Variants in ANTXR1 observed in about 807,000 individuals in gnomAD.
ANTXR1 encodes ANTXR cell adhesion molecule 1.
A neutral mutation model predicts 78.1 loss-of-function variants in ANTXR1; 19 were observed. The observed-to-expected ratio is 0.24, with a 90% confidence interval of 0.17 to 0.36. The LOEUF (loss-of-function observed/expected upper bound fraction) is 0.36. ANTXR1 is among the 10% of genes least tolerant of loss of function. The pLI is 1.00. For missense variants in ANTXR1, 518 were observed against 718.6 expected (o/e 0.72, Z 3.19); for synonymous variants, 273 against 260.5 (o/e 1.05, Z -0.46).
chr2:69,113,067 A>G (rs1056391633), intron 10 of ANTXR1, among the ~76,000 whole-genome samples: 1 of 152,162 alleles, frequency 6.6e-6, no homozygotes, highest in Non-Finnish European at 1.5e-5. Context: ...CTGCTCTACC[A>G]AGTTTGAAAT....
chr2:69,134,733 T>C (rs1277790378), intron 12 of ANTXR1, among the ~76,000 whole-genome samples: 5 of 152,200 alleles, frequency 3.3e-5, no homozygotes, highest in Admixed American at 6.5e-5. Context: ...ACAACTTCTC[T>C]TAGTGCAGTT....
chr2:69,067,515 A>AC (rs1253695461), intron 3 of ANTXR1, among the ~76,000 whole-genome samples: 1 of 138,004 alleles, frequency 7.2e-6, no homozygotes, highest in Non-Finnish European at 1.5e-5. Flanking sequence ...TTTTAGTGTT[A>AC]CCCAAATGTC....
chr2:69,217,541 C>G (rs946491699), intron 17 of ANTXR1, among the ~76,000 whole-genome samples: 6 of 152,308 alleles, frequency 3.9e-5, no homozygotes, highest in African/African-American at 1.4e-4. Flanking sequence ...CCACTCTGAA[C>G]TTGTAAAATG....
chr2:69,044,074 G>A (rs1669686383), intron 2 of ANTXR1, among the ~76,000 whole-genome samples: 1 of 152,130 alleles, frequency 6.6e-6, no homozygotes, highest in African/African-American at 2.4e-5. Context: ...GAGTGCTTCT[G>A]TCTCCAGAGT....
chr2:69,184,796 G>A (rs757071632), intron 16 of ANTXR1, among the ~76,000 whole-genome samples: 1 of 152,222 alleles, frequency 6.6e-6, no homozygotes, highest in Non-Finnish European at 1.5e-5. Context: ...GCCAGGCACT[G>A]TAGGATGTTG....
intron 12 of ANTXR1, among the ~76,000 whole-genome samples, chr2:69,144,516 G>A (rs968878376): frequency 2.6e-5 from 4 of 152,182 alleles, no homozygotes; most frequent in East Asian, 1.9e-4. Context: ...TGGATGGCGG[G>A]CCTCTGGGGA....
intron 12 of ANTXR1, among the ~76,000 whole-genome samples, chr2:69,140,503 G>A (rs547620937): frequency 1.5e-4 from 23 of 152,158 alleles, no homozygotes; most frequent in Admixed American, 1.5e-3. Flanking sequence ...ATCATCATTT[G>A]ATTTCTAAAA....
At chr2:69,211,207 A>G (rs1675035388) in intron 17 of ANTXR1, among the ~76,000 whole-genome samples, 1 of 152,206 alleles carries the variant, frequency 6.6e-6, no homozygotes, top group South Asian at 2.1e-4. Flanking sequence ...GCATATGTAT[A>G]TGCAACTTCT....
rs1374525866 is a variant in ANTXR1, at chr2:69,209,427, C to T, written c.1434+16012C>T. ...GTGCCTGTGCCCCACAGCTGATAAA[C>T]AGAGGAACTAGCATTTATTCTTTCA... On this transcript the variant is annotated intron_variant, in intron 17 of 17. Coordinates refer to ENST00000303714, the MANE Select transcript of ANTXR1 (RefSeq NM_032208.3). 2.6e-5 allele frequency among the ~76,000 whole-genome samples: 4 copies of T among 152,192 alleles called. No homozygotes were observed. In the South Asian group the frequency reaches 8.3e-4, roughly 31 times the overall value.
chr2:69,084,033 C>G (rs1245067755), intron 8 of ANTXR1, among the ~76,000 whole-genome samples: 2 of 152,200 alleles, frequency 1.3e-5, no homozygotes, highest in Non-Finnish European at 2.9e-5. Context: ...GAACAGGCTA[C>G]AAAGATTGCA....
At chr2:69,055,115 T>G (rs1337643804) in intron 3 of ANTXR1, among the ~76,000 whole-genome samples, 2 of 152,120 alleles carry the variant, frequency 1.3e-5, no homozygotes. Flanking sequence ...CTATTGTGGT[T>G]GTTGTTAGGG....
chr2:69,142,131 A>G (rs1673087093), intron 12 of ANTXR1, among the ~76,000 whole-genome samples: 1 of 152,234 alleles, frequency 6.6e-6, no homozygotes, highest in Non-Finnish European at 1.5e-5. Context: ...GATTTGGATC[A>G]TCTTTTCCTG....
chr2:69,149,943 C>T (rs564888422), intron 12 of ANTXR1, among the ~76,000 whole-genome samples: 6 of 152,342 alleles, frequency 3.9e-5, no homozygotes, highest in African/African-American at 1.4e-4. Context: ...TCCCGTCGGC[C>T]ATGGCATGTC....
At chr2:69,111,617 C>T (rs72899304) in intron 10 of ANTXR1, among the ~76,000 whole-genome samples, 1 of 152,190 alleles carries the variant, frequency 6.6e-6, no homozygotes, top group Non-Finnish European at 1.5e-5. Context: ...ATTCACCAGG[C>T]ATGGCTCTGG....
At position 69,219,384 on chromosome 2, in the gene ANTXR1, GAC is replaced by G. The variant is rs377200577; in HGVS notation, c.1435-25804_1435-25803del. ...ACATCACAGTGTCCACCAGAAGGAG[GAC>G]ACACACACACACACACACACACACA... On this transcript the variant is annotated intron_variant, in intron 17 of 17. Coordinates refer to ENST00000303714, the MANE Select transcript of ANTXR1 (RefSeq NM_032208.3). Among the ~76,000 whole-genome samples, 1,277 of 132,088 alleles carry G rather than the reference GAC, an allele frequency of 9.7e-3. 7 individuals are homozygous for G. The highest frequency in any genetic ancestry group is 0.015 in the Middle Eastern group (4 of 266). The allele number at this position is 132,088 out of a possible 152,430, so 86.7% of individuals were successfully genotyped here.
intron 3 of ANTXR1, among the ~76,000 whole-genome samples, chr2:69,060,424 T>C (rs190474956): frequency 6.6e-6 from 1 of 152,276 alleles, no homozygotes; most frequent in African/African-American, 2.4e-5. Flanking sequence ...AAGAATGAGG[T>C]GACCTTGTAA....
At chr2:69,047,935 C>A (rs1669820344) in intron 3 of ANTXR1, among the ~76,000 whole-genome samples, 1 of 152,146 alleles carries the variant, frequency 6.6e-6, no homozygotes, top group South Asian at 2.1e-4. Context: ...AACTCCTGTA[C>A]TTTGTACTGT....
chr2:69,139,235 A>G (rs969114899), intron 12 of ANTXR1, among the ~76,000 whole-genome samples: 1 of 152,206 alleles, frequency 6.6e-6, no homozygotes, highest in African/African-American at 2.4e-5. Flanking sequence ...TGTGGCCTTA[A>G]GGCCTAGCCC....
intron 10 of ANTXR1, among the ~76,000 whole-genome samples, chr2:69,112,974 A>G (rs1672034098): frequency 6.6e-6 from 1 of 152,080 alleles, no homozygotes; most frequent in Non-Finnish European, 1.5e-5. Flanking sequence ...TTGGGAGTAA[A>G]AGAGTTTATT....
Sources: gnomAD v4.1 joint callset for allele counts (sites outside exome capture counted in the v4.1 genomes callset) on GRCh38, gnomAD v4.1.1 for gene constraint, MANE v1.5 for transcripts, NCBI Gene and HGNC (gene_info 2026-07-23, HGNC 2026-07-21) for gene names.